The following SMC1B variants were observed in gnomAD, a reference collection of about 807,000 sequenced individuals.
SMC1B encodes the protein structural maintenance of chromosomes protein 1B.
SMC1B carries 60 observed loss-of-function variants against 157.9 expected under a neutral mutation model. That is an observed-to-expected ratio of 0.38 (90% CI 0.31 to 0.47). The LOEUF is 0.47. Among genes scored for constraint, SMC1B ranks in the 20% least tolerant of loss-of-function variants. The probability of loss-of-function intolerance (pLI) is 0.99; values close to 1 mark genes in which losing one functional copy is unlikely to be tolerated. For missense variants in SMC1B, 1,165 were observed against 1,426.2 expected (o/e 0.82, Z 2.95); for synonymous variants, 445 against 483.0 (o/e 0.92, Z 1.03).
intron 9 of SMC1B, 22 bp downstream of exon 9, chr22:45,393,609 TAAA>T: frequency 6.4e-7 from 1 of 1,551,026 alleles, no homozygotes; most frequent in Admixed American, 2.0e-5. Context: ...TTTTTTTGTT[TAAA>T]TTAACTATTC....
chr22:45,356,276 C>T (rs1459735343), intron 19 of SMC1B, among the ~76,000 whole-genome samples: 1 of 152,168 alleles, frequency 6.6e-6, no homozygotes, highest in African/African-American at 2.4e-5. Context: ...GTAAAGTCCA[C>T]CATCCTCCTC....
intron 20 of SMC1B, 134 bp downstream of exon 20, chr22:45,354,825 C>A: frequency 7.1e-6 from 5 of 703,504 alleles, no homozygotes; most frequent in Non-Finnish European, 9.4e-6. Flanking sequence ...GTATTAAAAG[C>A]ACACATTAAT....
At chr22:45,403,140 A>C (rs2087215790) in intron 4 of SMC1B, among the ~76,000 whole-genome samples, 1 of 152,228 alleles carries the variant, frequency 6.6e-6, no homozygotes, top group African/African-American at 2.4e-5. Flanking sequence ...GTAACAGGCT[A>C]TCCACTAGGA....
At chr22:45,404,116 A>G (rs1294117615) in intron 4 of SMC1B, among the ~76,000 whole-genome samples, 1 of 152,008 alleles carries the variant, frequency 6.6e-6, no homozygotes, top group African/African-American at 2.4e-5. Flanking sequence ...TAATTTTTGT[A>G]TTTTTAGTAA....
chr22:45,369,165 C>T (rs546269257), intron 15 of SMC1B, among the ~76,000 whole-genome samples: 2 of 152,098 alleles, frequency 1.3e-5, no homozygotes, highest in East Asian at 1.9e-4. Flanking sequence ...GGCACGATCT[C>T]GGCTCACTGC....
At chr22:45,407,779 T>C (rs1045139865) in intron 2 of SMC1B, among the ~76,000 whole-genome samples, 4 of 152,086 alleles carry the variant, frequency 2.6e-5, no homozygotes, top group African/African-American at 7.2e-5. Context: ...GCAGATTCAC[T>C]GAGCTAGCCT....
chr22:45,364,518 AG>A (rs2086753765), intron 15 of SMC1B, among the ~76,000 whole-genome samples: 1 of 152,236 alleles, frequency 6.6e-6, no homozygotes, highest in Non-Finnish European at 1.5e-5. Flanking sequence ...GAGAAGACCA[AG>A]GAACAGAGAG....
chr22:45,400,757 C>T (rs1264247824), intron 5 of SMC1B, among the ~76,000 whole-genome samples: 1 of 152,118 alleles, frequency 6.6e-6, no homozygotes. Flanking sequence ...AACAGTGATA[C>T]CATGTTGATA....
At chr22:45,395,840 A>G (rs1411761939) in intron 7 of SMC1B, among the ~76,000 whole-genome samples, 1 of 152,228 alleles carries the variant, frequency 6.6e-6, no homozygotes, top group African/African-American at 2.4e-5. Context: ...CTGGGCAACA[A>G]GACCGAAACT....
chr22:45,411,587 T>C (rs1452874385), intron 1 of SMC1B, among the ~76,000 whole-genome samples: 3 of 152,208 alleles, frequency 2.0e-5, no homozygotes, highest in Non-Finnish European at 4.4e-5. Context: ...TATTTATTTT[T>C]ACTTATTTAT....
intron 15 of SMC1B, 89 bp from the exon 16 acceptor site, chr22:45,363,115 A>C: frequency 1.1e-6 from 1 of 931,458 alleles, no homozygotes; most frequent in Non-Finnish European, 1.6e-6. Context: ...CAAATATAAA[A>C]GTAAAAGGAA....
chr22:45,412,308 C>G (rs1309852554), intron 1 of SMC1B, among the ~76,000 whole-genome samples: 1 of 151,862 alleles, frequency 6.6e-6, no homozygotes, highest in Non-Finnish European at 1.5e-5. Flanking sequence ...TCAAGCGATT[C>G]TCCTGCCTCA....
chr22:45,384,158 G>T (rs981345834), intron 11 of SMC1B, among the ~76,000 whole-genome samples: 6 of 152,094 alleles, frequency 3.9e-5, no homozygotes, highest in African/African-American at 1.4e-4. Context: ...GCATTTTCAT[G>T]TTTAAGAATT....
At chr22:45,402,167 G>A (rs1170480303) in intron 5 of SMC1B, among the ~76,000 whole-genome samples, 166 bp downstream of exon 5, 1 of 152,170 alleles carries the variant, frequency 6.6e-6, no homozygotes, top group Non-Finnish European at 1.5e-5. Flanking sequence ...ACAGGCATGA[G>A]CCACCACACC....
chr22:45,364,386 A>G (rs1296231004), intron 15 of SMC1B, among the ~76,000 whole-genome samples: 1 of 152,222 alleles, frequency 6.6e-6, no homozygotes, highest in Non-Finnish European at 1.5e-5. Flanking sequence ...TTAAAACATT[A>G]ATAACTATTT....
At chr22:45,361,287 T>C (rs138487033) in intron 17 of SMC1B, among the ~76,000 whole-genome samples, 31 of 152,308 alleles carry the variant, frequency 2.0e-4, no homozygotes, top group African/African-American at 7.2e-4. Flanking sequence ...AGGGACTCTA[T>C]ACAGGTTCAT....
rs35168479 is a variant in SMC1B at position 45,370,723 on chromosome 22, C to T, written c.2314-663G>A. ...AGTTACAGTTATAAACATACAGACC[C>T]ACAATATGCTGTACAGACAATATTT... On this transcript the variant is annotated intron_variant, in intron 14 of 24. Coordinates refer to ENST00000357450, the MANE Select transcript of SMC1B (RefSeq NM_148674.5). 6.1e-3 allele frequency among the ~76,000 whole-genome samples: 926 copies of T among 152,236 alleles called. 4 individuals are homozygous for T. Among genetic ancestry groups the T allele is most frequent in the Non-Finnish European group, 9.6e-3 (651 of 67,996 alleles).
intron 23 of SMC1B, among the ~76,000 whole-genome samples, chr22:45,348,634 A>C (rs919859370): frequency 6.6e-6 from 1 of 151,822 alleles, no homozygotes; most frequent in Non-Finnish European, 1.5e-5. Context: ...TTTCTCATCA[A>C]CTCTGGAAGG....
intron 1 of SMC1B, among the ~76,000 whole-genome samples, chr22:45,409,610 A>C (rs201381282): frequency 2.9e-5 from 1 of 34,558 alleles, no homozygotes; most frequent in East Asian, 7.5e-4. Context: ...ATAAATAAAT[A>C]AAAACAAGAG....
Sources: gnomAD v4.1 joint callset for allele counts (sites outside exome capture counted in the v4.1 genomes callset) on GRCh38, gnomAD v4.1.1 for gene constraint, MANE v1.5 for transcripts, NCBI Gene and HGNC (gene_info 2026-07-23, HGNC 2026-07-21) for gene names.